Variants in WNT2 observed in about 807,000 individuals in gnomAD.
WNT2 encodes protein Wnt-2.
Under a neutral mutation model 36.9 loss-of-function variants are expected in WNT2, and 12 were observed. The ratio of observed to expected loss-of-function variants is 0.33; its 90% CI spans 0.21 to 0.53. The LOEUF (loss-of-function observed/expected upper bound fraction) is 0.53. Among genes scored for constraint, WNT2 ranks in the 20% least tolerant of loss-of-function variants. The pLI, the probability that WNT2 is intolerant of heterozygous loss-of-function variation, is 0.95. For missense variants in WNT2, 379 were observed against 473.1 expected (o/e 0.80, Z 1.84); for synonymous variants, 163 against 174.6 (o/e 0.93, Z 0.52).
intron 2 of WNT2, among the ~76,000 whole-genome samples, chr7:117,318,056 G>A (rs1795253454): frequency 6.6e-6 from 1 of 152,122 alleles, no homozygotes; most frequent in Non-Finnish European, 1.5e-5. Flanking sequence ...AATTACAAAT[G>A]TTTCTAAAAA....
intron 4 of WNT2, among the ~76,000 whole-genome samples, chr7:117,281,969 G>C (rs890048875): frequency 1.3e-5 from 2 of 152,138 alleles, no homozygotes; most frequent in East Asian, 3.9e-4. Context: ...GAGGATGAAA[G>C]AGAGTAGGGC....
chr7:117,298,964 C>A (rs1391059066), intron 3 of WNT2, among the ~76,000 whole-genome samples: 3 of 152,178 alleles, frequency 2.0e-5, no homozygotes, highest in Non-Finnish European at 2.9e-5. Flanking sequence ...CCCACTTTAC[C>A]CCCACCTCCG....
chr7:117,320,537 C>T (rs372580364), intron 2 of WNT2, 30 bp downstream of exon 2: 1 of 1,594,716 alleles, frequency 6.3e-7, no homozygotes, highest in African/African-American at 1.3e-5. Context: ...AGTGGAGAGC[C>T]ATAGGGCTGG....
intron 3 of WNT2, among the ~76,000 whole-genome samples, chr7:117,314,558 A>T (rs755708160): frequency 5.9e-5 from 9 of 152,178 alleles, no homozygotes; most frequent in Non-Finnish European, 1.0e-4. Flanking sequence ...CAGCACCAGA[A>T]ACAACAAGGT....
chr7:117,315,469 A>C, intron 2 of WNT2, 121 bp from the exon 3 acceptor site: 1 of 1,041,178 alleles, frequency 9.6e-7, no homozygotes, highest in Non-Finnish European at 1.4e-6. Flanking sequence ...ACAACAAGGT[A>C]CTGATATTCT....
Position 117,322,980 on chromosome 7 carries a change from G to A in WNT2, c.10C>T (p.Pro4Ser), listed in dbSNP as rs1795358597. The change falls in exon 1 of 5, where the codon CCT (proline) becomes TCT (serine). Residue 4 changes from proline (P) to serine (S), a missense_variant. By Grantham distance (74) the Pro-to-Ser change is moderately conservative. Transcript: ENST00000265441. The surrounding 1 kb of genome is among the most constrained non-coding windows in gnomAD (Gnocchi z 5.4). ...AGCCAGAGCCAGATTCCACCGAGAG[G>A]GGCGTTCATATTAACCCCCTTGCGT... MNA[P>S]LGGIWLWLPL... 6.2e-7 allele frequency: 1 copy of A among 1,612,674 alleles called. No individual in the cohort carries two copies. The highest frequency in any genetic ancestry group is 8.5e-7 in the Non-Finnish European group (1 of 1,179,594).
chr7:117,292,601 G>A (rs749959027), intron 4 of WNT2, among the ~76,000 whole-genome samples: 2 of 152,130 alleles, frequency 1.3e-5, no homozygotes, highest in Non-Finnish European at 2.9e-5. Context: ...GCAATTTTTC[G>A]CATCAAAGTT....
intron 4 of WNT2, 97 bp downstream of exon 4, chr7:117,297,515 T>C: frequency 6.9e-7 from 1 of 1,446,302 alleles, no homozygotes; most frequent in Non-Finnish European, 9.4e-7. Context: ...GCTTTGAACC[T>C]AAAGAGAGCA....
At chr7:117,308,521 A>T (rs1206807773) in intron 3 of WNT2, among the ~76,000 whole-genome samples, 1 of 152,246 alleles carries the variant, frequency 6.6e-6, no homozygotes, top group Non-Finnish European at 1.5e-5. Flanking sequence ...TGATAAATAA[A>T]GATCTCTAAT....
chr7:117,315,236 C>T lies in WNT2; in HGVS notation c.423G>A (p.Lys141=). 1 of 1,614,214 alleles carries T rather than the reference C, an allele frequency of 6.2e-7. No individual in the cohort carries two copies. Among genetic ancestry groups the T allele is most frequent in the Non-Finnish European group, 8.5e-7 (1 of 1,180,030 alleles). ...EVKSCSCDPK[K]MGSAKDSKGI... is the part of the protein sequence containing the mutation. ...CTTTGCTGTCCTTGGCGCTTCCCAT[C>T]TTCTTTGGATCACAGGAACAGGATT... The change falls in exon 3 of 5, where the codon AAG becomes AAA. Residue 141 remains lysine, a synonymous_variant. Transcript: ENST00000265441.
intron 3 of WNT2, among the ~76,000 whole-genome samples, chr7:117,302,508 GT>G (rs533301750): frequency 2.6e-5 from 4 of 152,100 alleles, no homozygotes; most frequent in Non-Finnish European, 5.9e-5. Flanking sequence ...AATGAAGAGT[GT>G]TTTTGCAATA....
chr7:117,293,466 T>C (rs1287954633), intron 4 of WNT2, among the ~76,000 whole-genome samples: 1 of 151,586 alleles, frequency 6.6e-6, no homozygotes, highest in Non-Finnish European at 1.5e-5. Flanking sequence ...ACAAAAGCAA[T>C]GATGGAAAGC....
chr7:117,287,617 T>G (rs1794609540), intron 4 of WNT2, among the ~76,000 whole-genome samples: 1 of 151,540 alleles, frequency 6.6e-6, no homozygotes, highest in Non-Finnish European at 1.5e-5. Flanking sequence ...TTTCTTCTTA[T>G]GCTTTCTTCT....
At chr7:117,289,216 C>A (rs1794641693) in intron 4 of WNT2, among the ~76,000 whole-genome samples, 1 of 151,994 alleles carries the variant, frequency 6.6e-6, no homozygotes, top group Non-Finnish European at 1.5e-5. Flanking sequence ...CACCACAACG[C>A]CCGGCTAATT....
At chr7:117,307,662 T>C (rs1057193928) in intron 3 of WNT2, among the ~76,000 whole-genome samples, 2 of 152,232 alleles carry the variant, frequency 1.3e-5, no homozygotes, top group African/African-American at 4.8e-5. Context: ...TTCTGAAGAC[T>C]GAGCCCAAGC....
At chr7:117,286,126 A>T (rs1201491946) in intron 4 of WNT2, among the ~76,000 whole-genome samples, 2 of 151,814 alleles carry the variant, frequency 1.3e-5, no homozygotes, top group Non-Finnish European at 1.5e-5. Flanking sequence ...GCATAAGATT[A>T]AAAAAAAGGA....
In WNT2 at chr7:117,319,094, T is replaced by C. The variant is rs184980173; in HGVS notation, c.310+1473A>G. 6.5e-3 allele frequency among the ~76,000 whole-genome samples: 993 copies of C among 152,304 alleles called. 15 individuals carry two copies. The highest frequency in any genetic ancestry group is 0.023 in the African/African-American group (937 of 41,558). ...AGCACTTTGAAAAAAAATCCTGATA[T>C]GTTTTAAACACTGAGAGCCATGCAT... On this transcript the variant is annotated intron_variant, in intron 2 of 4. Transcript: ENST00000265441.
intron 2 of WNT2, among the ~76,000 whole-genome samples, chr7:117,315,895 G>A (rs1022036391): frequency 2.0e-5 from 3 of 152,204 alleles, no homozygotes; most frequent in African/African-American, 7.2e-5. Context: ...GACTAAGGTG[G>A]GAAGAGAATT....
At position 117,297,694 on chromosome 7, in the gene WNT2, G is replaced by T. The variant is rs138598663; in HGVS notation, c.771C>A (p.Asn257Lys). The T allele has an allele frequency of 6.2e-7, 1 of 1,614,058 alleles. No homozygotes were observed. The highest frequency in any genetic ancestry group is 8.5e-7 in the Non-Finnish European group (1 of 1,180,012). ...TTTTCGTTGGCTTCTTAAACCTCTC[G>T]TTAGCCACAGTGAAACCTGTGCCAT... The part of the protein sequence containing the change: ...NQDGTGFTVA[N>K]ERFKKPTKND... The change falls in exon 4 of 5, where the codon AAC becomes AAA. Residue 257 changes from asparagine to lysine, a missense_variant. Coordinates refer to ENST00000265441, the MANE Select transcript of WNT2 (RefSeq NM_003391.3).
Sources: allele counts gnomAD v4.1 joint callset (sites outside exome capture counted in the v4.1 genomes callset), GRCh38; gene constraint gnomAD v4.1.1; non-coding constraint Gnocchi (gnomAD v3.1); transcripts MANE v1.5; gene names NCBI Gene and HGNC (gene_info 2026-07-23, HGNC 2026-07-21).